Variants in KRT7 observed in about 807,000 individuals in gnomAD.
KRT7 encodes keratin, type II cytoskeletal 7.
In KRT7, 50 loss-of-function variants were observed where a neutral mutation model predicts 42.8. That is an observed-to-expected ratio of 1.17 (90% CI 0.93 to 1.48). The LOEUF is 1.48. Ranked by LOEUF, KRT7 falls within the 40% of genes most tolerant of loss-of-function variation. The probability of loss-of-function intolerance (pLI) is 0.00; values close to 1 mark genes in which losing one functional copy is unlikely to be tolerated. For synonymous variants in KRT7, 268 were observed against 266.3 expected (o/e 1.01, Z -0.06); for missense variants, 588 against 637.6 (o/e 0.92, Z 0.84).
chr12:52,255,474 C>A (rs947343234), downstream of KRT7: 3 of 455,120 alleles, frequency 6.6e-6, no homozygotes, highest in African/African-American at 6.0e-5. Context: ...AAGGCACAGG[C>A]AAACACATTC....
intron 7 of KRT7, among the ~76,000 whole-genome samples, chr12:52,246,900 G>T (rs1942180957): frequency 6.6e-6 from 1 of 152,140 alleles, no homozygotes; most frequent in African/African-American, 2.4e-5. Context: ...CCCATGGGAA[G>T]AAAAGGGGAC....
downstream of KRT7, chr12:52,250,584 C>A: frequency 1.6e-6 from 2 of 1,267,716 alleles, no homozygotes; most frequent in Non-Finnish European, 2.2e-6. Context: ...CGTCACCGGC[C>A]GGGAGCCCGA....
At chr12:52,250,547 G>A (rs937534114), downstream of KRT7, 218 of 1,180,548 alleles carry the variant, frequency 1.8e-4, no homozygotes, top group Non-Finnish European at 2.4e-4. Context: ...CCACGTTCCC[G>A]CTGCAGGGGG....
rs1031645041 is a variant in KRT7, at chr12:52,248,651, G to C, written c.1301G>C (p.Gly434Ala). 1.2e-6 allele frequency: 2 copies of C among 1,612,576 alleles called. No individual in the cohort carries two copies. Among genetic ancestry groups the C allele is most frequent in the African/African-American group, 2.7e-5 (2 of 75,010 alleles). Residue 434 changes from glycine to alanine, a missense_variant, in exon 9 of 9, where the codon GGA (glycine) becomes GCA (alanine). Gly to Ala is a moderately conservative substitution (Grantham distance 60, BLOSUM62 0). Transcript: ENST00000331817. The stretch of plus-strand genomic sequence containing the variant: ...GGTGGCATTGGGCTGACCCTCGGGG[G>C]AACCATGGGCAGCAATGCCCTGAGC... The part of the protein sequence containing the change: ...SGGGIGLTLG[G>A]TMGSNALSFS...
chr12:52,253,150 T>C, downstream of KRT7: 1 of 1,491,638 alleles, frequency 6.7e-7, no homozygotes, highest in South Asian at 1.1e-5. Flanking sequence ...CTAACCCAAA[T>C]CCCTCTCCTG....
Position 52,245,461 on chromosome 12 carries a change from TG to T in KRT7, c.1036del (p.Ala346ArgfsTer34). On this transcript the variant is annotated frameshift_variant, in exon 7 of 9. Transcript: ENST00000331817. LOFTEE classifies it high-confidence loss of function. ...AIAEAEERGE[L>X]ALKDARAKQE... is the part of the protein sequence containing the mutation. ...GCCGAGGCTGAGGAGCGTGGGGAGC[TG>T]GCGCTCAAGGATGCTCGTGCCAAGC... 6.2e-7 allele frequency: 1 copy of T among 1,613,998 alleles called. No individual in the cohort carries two copies. The highest frequency in any genetic ancestry group is 1.1e-5 in the South Asian group (1 of 91,072).
rs749182332 is a variant in KRT7 at position 52,248,696 on chromosome 12, C to A, written c.1346C>A (p.Pro449His). 6.2e-7 allele frequency: 1 copy of A among 1,612,936 alleles called. No individual in the cohort carries two copies. The highest frequency in any genetic ancestry group is 8.5e-7 in the Non-Finnish European group (1 of 1,179,618). The change falls in exon 9 of 9, where the codon CCT (proline) becomes CAT (histidine). Residue 449 changes from proline (P) to histidine (H), a missense_variant. Transcript: ENST00000331817. ...CTGAGCTTCTCCAGCAGTGCGGGTC[C>A]TGGGCTCCTGAAGGCTTATTCCATC... is the stretch of plus-strand genomic sequence containing the variant. Reference protein sequence around the residue: ...NALSFSSSAGPGLLKAYSIRT... With the variant: ...NALSFSSSAGHGLLKAYSIRT...
At chr12:52,255,494 G>A, downstream of KRT7, 1 of 451,954 alleles carries the variant, frequency 2.2e-6, no homozygotes, top group South Asian at 1.6e-5. Context: ...CCGGGAACTG[G>A]ATCTTTTGGA....
Position 52,243,087 on chromosome 12 carries a change from A to C in KRT7, c.934A>C (p.Asn312His). Residue 312 changes from asparagine to histidine, a missense_variant, in exon 6 of 9, where the codon AAC becomes CAC. Physicochemically the swap from Asn to His is moderately conservative, Grantham distance 68. Transcript: ENST00000331817. ...TACCCGGAATGAGATTTCAGAGATG[A>C]ACCGGGCCATCCAGAGGCTGCAGGC... ...RNTRNEISEM[N>H]RAIQRLQAEI... 1 of 1,613,926 alleles carries C rather than the reference A, an allele frequency of 6.2e-7. No homozygotes were observed. The highest frequency in any genetic ancestry group is 1.1e-5 in the South Asian group (1 of 91,072).
rs371073142 is a variant in KRT7, at chr12:52,248,217, T to C, written c.1240+6T>C. ...AGTGGGAGCCGTGAATATCTGTAAG[T>C]CCTTGGCTGCGGCCCATGGGAAGCA... On this transcript the variant is annotated splice_donor_region_variant and intron_variant, in intron 8 of 8. Coordinates refer to ENST00000331817, the MANE Select transcript of KRT7 (RefSeq NM_005556.4). 207 of 1,613,894 alleles carry C rather than the reference T, an allele frequency of 1.3e-4. No homozygotes were observed. The highest frequency in any genetic ancestry group is 1.6e-4 in the Non-Finnish European group (193 of 1,179,958).
chr12:52,253,717 T>G, downstream of KRT7: 1 of 1,295,352 alleles, frequency 7.7e-7, no homozygotes, highest in African/African-American at 1.5e-5. Context: ...TTGTCCATCT[T>G]GACGACCACT....
chr12:52,248,949 C>T (rs1942223025), downstream of KRT7: 3 of 497,518 alleles, frequency 6.0e-6, no homozygotes, highest in African/African-American at 2.0e-5. Flanking sequence ...CTTCATGAGG[C>T]TGGGCAGGGG....
At chr12:52,247,536 G>C (rs1417891041) in intron 7 of KRT7, 1 of 152,994 alleles carries the variant, frequency 6.5e-6, no homozygotes, top group Non-Finnish European at 1.5e-5. Context: ...CAATGGGACT[G>C]TGAGTCACAA....
At position 52,248,921 on chromosome 12, in the gene KRT7, A is replaced by G; in HGVS notation, c.*161A>G. The G allele has an allele frequency of 1.7e-6, 1 of 601,610 alleles. No homozygotes were observed. The highest frequency in any genetic ancestry group is 2.6e-6 in the Non-Finnish European group (1 of 390,494). The allele number at this position is 601,610 out of a possible 1,614,324, so 37.3% of individuals were successfully genotyped here. ...CCTCATTCTGAGGCCTGAGTGATCC[A>G]CGTGCCTGGTATCCTGGCTTCATGA... is the stretch of plus-strand genomic sequence containing the variant. On this transcript the variant is annotated 3_prime_UTR_variant, in exon 9 of 9. Transcript: ENST00000331817.
chr12:52,239,049 G>A (rs1942047617), intron 4 of KRT7, among the ~76,000 whole-genome samples: 3 of 152,204 alleles, frequency 2.0e-5, no homozygotes, highest in African/African-American at 7.2e-5. Flanking sequence ...CCCTCCCTCC[G>A]TTCCTCACAG....
chr12:52,248,477 G>A, intron 8 of KRT7, 114 bp from the exon 9 acceptor site: 1 of 1,174,356 alleles, frequency 8.5e-7, no homozygotes, highest in Non-Finnish European at 1.2e-6. Flanking sequence ...CCATGGAGGG[G>A]GGCAGGGGTG....
chr12:52,239,079 C>T (rs1041797439), intron 4 of KRT7, among the ~76,000 whole-genome samples: 6 of 152,172 alleles, frequency 3.9e-5, no homozygotes, highest in Non-Finnish European at 8.8e-5. Flanking sequence ...TATGGGGTCA[C>T]GATCTTCCTG....
chr12:52,255,450 A>G (rs1392700684), downstream of KRT7: 1 of 456,590 alleles, frequency 2.2e-6, no homozygotes, highest in South Asian at 1.5e-5. Flanking sequence ...TGGGGAGGAA[A>G]AAAAATGGGA....
At chr12:52,255,311 C>CA (rs1565727157), downstream of KRT7, 1 of 456,728 alleles carries the variant, frequency 2.2e-6, no homozygotes, top group Admixed American at 2.3e-5. Flanking sequence ...CTCTGGCCTC[C>CA]ATTCTGAGTT....
Sources: gnomAD v4.1 joint callset for allele counts (sites outside exome capture counted in the v4.1 genomes callset) on GRCh38, gnomAD v4.1.1 for gene constraint, MANE v1.5 for transcripts, NCBI Gene and HGNC (gene_info 2026-07-23, HGNC 2026-07-21) for gene names.